SHANK2: variants seen among roughly 807,000 people sequenced by gnomAD.
SHANK2 encodes SH3 and multiple ankyrin repeat domains 2.
SHANK2 carries 43 observed loss-of-function variants against 133.7 expected under a neutral mutation model. That is an observed-to-expected ratio of 0.32 (90% confidence interval 0.25 to 0.41). The LOEUF (loss-of-function observed/expected upper bound fraction) is 0.41, where lower values mean the gene tolerates loss of function less well. SHANK2 is among the 10% of genes least tolerant of loss of function. The pLI is 1.00. For synonymous variants in SHANK2, 1,017 were observed against 952.8 expected (o/e 1.07, Z -1.24); for missense variants, 1,994 against 2,235.8 (o/e 0.89, Z 2.18).
chr11:70,832,063 T>G (rs782309684), intron 11 of SHANK2, among the ~76,000 whole-genome samples: 1 of 152,208 alleles, frequency 6.6e-6, no homozygotes, highest in Non-Finnish European at 1.5e-5. Flanking sequence ...GGGGACACCT[T>G]TGGGGACAAG....
chr11:70,702,734 C>T (rs1039443138), intron 14 of SHANK2, among the ~76,000 whole-genome samples: 1 of 152,240 alleles, frequency 6.6e-6, no homozygotes, highest in African/African-American at 2.4e-5. Context: ...TTGGTACTCA[C>T]ACAATATCCC....
intron 10 of SHANK2, among the ~76,000 whole-genome samples, chr11:70,916,606 A>G (rs1420782239): frequency 6.6e-6 from 1 of 152,206 alleles, no homozygotes; most frequent in Non-Finnish European, 1.5e-5. Flanking sequence ...CACCGGCAAG[A>G]GGATGATGAC....
intron 3 of SHANK2, among the ~76,000 whole-genome samples, chr11:71,129,752 G>A (rs1391477142): frequency 1.3e-5 from 2 of 152,212 alleles, no homozygotes; most frequent in Non-Finnish European, 2.9e-5. Context: ...TGAGACTACT[G>A]GACTGTGGGC....
At chr11:70,631,405 C>CACACAT (rs782720855) in intron 17 of SHANK2, among the ~76,000 whole-genome samples, 1 of 145,652 alleles carries the variant, frequency 6.9e-6, no homozygotes, top group Non-Finnish European at 1.5e-5. Flanking sequence ...CACACACACA[C>CACACAT]ACACCCACAC....
At chr11:70,639,309 T>C (rs60144853) in intron 17 of SHANK2, among the ~76,000 whole-genome samples, 4,698 of 152,254 alleles carry the variant, frequency 0.031, 219 homozygotes, top group African/African-American at 0.11. Flanking sequence ...TGGTGGCTTC[T>C]AGACAACAGA....
Position 70,486,868 on chromosome 11 carries a change from G to A in SHANK2, c.3425C>T (p.Ser1142Leu), listed in dbSNP as rs1014934932. The A allele has an allele frequency of 6.2e-7, 1 of 1,612,732 alleles. No individual in the cohort carries two copies. Among genetic ancestry groups the A allele is most frequent in the Non-Finnish European group, 8.5e-7 (1 of 1,179,926 alleles). Residue 1142 changes from serine to leucine, a missense_variant, in exon 25 of 26, where the codon TCA becomes TTA. Around this residue, in one of 5 missense-constraint regions of SHANK2, gnomAD observed 797 missense variants for 907.4 expected, o/e 0.88. Coordinates refer to ENST00000601538, the MANE Select transcript of SHANK2 (RefSeq NM_012309.5). The surrounding 1 kb of genome is among the most constrained non-coding windows in gnomAD (Gnocchi z 8.0). ...FADEDSAEQL[S>L]SPMPSATPRE... Reference sequence around the variant, plus strand: ...GGGCGTGGCACTCGGCATGGGGGATGACAGCTGCTCAGCGCTGTCCTCGTC... The same window carrying A: ...GGGCGTGGCACTCGGCATGGGGGATAACAGCTGCTCAGCGCTGTCCTCGTC...
In SHANK2 at chr11:70,718,700, C is replaced by CTT. The variant is rs60414874; in HGVS notation, c.1778-19939_1778-19938dup. Among the ~76,000 whole-genome samples, 387 of 129,776 alleles carry CTT rather than the reference C, an allele frequency of 3.0e-3. 12 individuals are homozygous for CTT. The highest frequency in any genetic ancestry group is 0.011 in the African/African-American group (353 of 31,068). 85.1% of individuals were successfully genotyped at this position (129,776 alleles called of 152,430 possible). A position where few individuals can be genotyped will look rare whatever the true frequency, so the allele number is the denominator to read the frequency against. On this transcript the variant is annotated intron_variant, in intron 14 of 25. Transcript: ENST00000601538. ...CTCCCTTTTTGATAGAGCTCATTCTCTTTTTTTTTTTTTGAATTGCTGGCC... is the reference window on the plus strand; with the variant it reads ...CTCCCTTTTTGATAGAGCTCATTCTCTTTTTTTTTTTTTTTGAATTGCTGGCC...
intron 6 of SHANK2, among the ~76,000 whole-genome samples, chr11:71,108,319 C>T (rs542209891): frequency 2.0e-4 from 30 of 152,280 alleles, no homozygotes; most frequent in Admixed American, 5.9e-4. Context: ...CTCCTACAGA[C>T]GTACACGCCC....
chr11:71,231,821 A>G (rs144696379), intron 1 of SHANK2, among the ~76,000 whole-genome samples: 2 of 152,128 alleles, frequency 1.3e-5, no homozygotes, highest in South Asian at 4.1e-4. Flanking sequence ...CCGGGGAGAC[A>G]GAGCTTGCAG....
At chr11:70,785,881 G>A (rs1354968087) in intron 14 of SHANK2, among the ~76,000 whole-genome samples, 2 of 152,176 alleles carry the variant, frequency 1.3e-5, no homozygotes, top group Admixed American at 6.5e-5. Flanking sequence ...TGCTCTGTCC[G>A]CTTCAGGGAC....
chr11:71,152,559 G>A (rs1762984929), intron 2 of SHANK2, among the ~76,000 whole-genome samples: 3 of 152,186 alleles, frequency 2.0e-5, no homozygotes, highest in South Asian at 4.1e-4. Flanking sequence ...CGCTGCTGCC[G>A]GCGGACATCT....
intron 14 of SHANK2, among the ~76,000 whole-genome samples, chr11:70,714,094 G>C (rs1437678234): frequency 2.0e-5 from 3 of 152,204 alleles, no homozygotes; most frequent in African/African-American, 7.2e-5. Flanking sequence ...TGGCCAATGA[G>C]ACAGGAGCAG....
In SHANK2 at chr11:70,830,526, G is replaced by A. The variant is rs115661605; in HGVS notation, c.1175-9844C>T. The stretch of plus-strand genomic sequence containing the variant: ...CGACCAGGTGACCTTGGAGAGCTGG[G>A]GAAGCAGAGGCGGGTGCACAGCCTC... On this transcript the variant is annotated intron_variant, in intron 11 of 25. Transcript: ENST00000601538. The surrounding 1 kb of genome is among the most constrained non-coding windows in gnomAD (Gnocchi z 4.4). 7.8e-3 allele frequency among the ~76,000 whole-genome samples: 1,189 copies of A among 152,298 alleles called. 17 individuals are homozygous for A. Among genetic ancestry groups the A allele is most frequent in the African/African-American group, 0.027 (1,110 of 41,562 alleles).
chr11:70,499,748 G>A (rs781798705), intron 21 of SHANK2, among the ~76,000 whole-genome samples: 1 of 152,192 alleles, frequency 6.6e-6, no homozygotes, highest in Non-Finnish European at 1.5e-5. Flanking sequence ...TAGGATGCTG[G>A]TGCAAGCCCG....
At chr11:70,517,702 CAG>C (rs782698303) in intron 17 of SHANK2, among the ~76,000 whole-genome samples, 3 of 152,042 alleles carry the variant, frequency 2.0e-5, no homozygotes, top group African/African-American at 4.8e-5. Context: ...GCCAAGGGCT[CAG>C]GGGGAGGGAA....
At chr11:70,492,209 G>C in intron 22 of SHANK2, 126 bp downstream of exon 22, 1 of 1,382,264 alleles carries the variant, frequency 7.2e-7, no homozygotes, top group South Asian at 1.2e-5. Context: ...ACTTAGATTT[G>C]GGCCCCACCT....
At chr11:70,943,836 G>T in intron 10 of SHANK2, 1 of 440,814 alleles carries the variant, frequency 2.3e-6, no homozygotes, top group Non-Finnish European at 4.6e-6. Flanking sequence ...TCACCACAGG[G>T]CCAACCACAT....
chr11:70,924,859 A>G (rs1380175123), intron 10 of SHANK2, among the ~76,000 whole-genome samples: 5 of 152,224 alleles, frequency 3.3e-5, no homozygotes, highest in Non-Finnish European at 7.3e-5. Flanking sequence ...CAGATAAAGG[A>G]AAAGCTACGC....
chr11:71,074,536 C>T (rs1041466362), intron 9 of SHANK2, among the ~76,000 whole-genome samples: 4 of 152,108 alleles, frequency 2.6e-5, no homozygotes, highest in East Asian at 3.9e-4. Flanking sequence ...CAATGTGTTG[C>T]AATTTTAATT....
Sources: allele counts gnomAD v4.1 joint callset (sites outside exome capture counted in the v4.1 genomes callset), GRCh38; gene constraint gnomAD v4.1.1; regional missense constraint gnomAD v4.1.1; non-coding constraint Gnocchi (gnomAD v3.1); transcripts MANE v1.5; gene names NCBI Gene and HGNC (gene_info 2026-07-23, HGNC 2026-07-21).